The following TRAF3IP2 variants were observed in gnomAD, a reference collection of about 807,000 sequenced individuals.
TRAF3IP2 encodes E3 ubiquitin ligase TRAF3IP2.
TRAF3IP2 carries 35 observed loss-of-function variants against 57.9 expected under a neutral mutation model. The observed-to-expected ratio is 0.60, with a 90% confidence interval of 0.46 to 0.80. The LOEUF is 0.80. Ranked by LOEUF, TRAF3IP2 falls within the 30% of genes least tolerant of loss-of-function variation. The pLI is 0.00. For synonymous variants in TRAF3IP2, 251 were observed against 268.9 expected (o/e 0.93, Z 0.65); for missense variants, 556 against 706.4 (o/e 0.79, Z 2.41).
intron 5 of TRAF3IP2, among the ~76,000 whole-genome samples, chr6:111,568,710 T>A (rs1433935815): frequency 1.3e-5 from 2 of 152,078 alleles, no homozygotes; most frequent in Non-Finnish European, 2.9e-5. Context: ...TGAAAAGCCA[T>A]CCATGATCCA....
rs558961159 is a variant in TRAF3IP2 at position 111,595,551 on chromosome 6, C to T, written c.-8-3457G>A. ...AAGAGGTACCAAAGGGTATGCATGC[C>T]GGGCGCCGTGACTCACGCCTGTAAT... On this transcript the variant is annotated intron_variant, in intron 1 of 8. Transcript: ENST00000368761. Among the ~76,000 whole-genome samples the T allele has an allele frequency of 5.3e-5, 8 of 152,238 alleles. No individual in the cohort carries two copies. The East Asian group carries it at 5.8e-4, about 11-fold the overall frequency.
At chr6:111,563,710 G>GGTGTGAAA (rs1795530707) in intron 7 of TRAF3IP2, among the ~76,000 whole-genome samples, 1 of 152,186 alleles carries the variant, frequency 6.6e-6, no homozygotes, top group Non-Finnish European at 1.5e-5. Flanking sequence ...AATGTCTGGA[G>GGTGTGAAA]GTGTGAAAGT....
rs75432622 is a variant in TRAF3IP2 at position 111,555,501 on chromosome 6, G to A, written c.*3904C>T. On this transcript the variant is annotated 3_prime_UTR_variant, in exon 9 of 9. Coordinates refer to ENST00000368761, the MANE Select transcript of TRAF3IP2 (RefSeq NM_147686.4). ...AATACTTTGATTGTAGCCATGTACT[G>A]AGACCTCTTTGAACAATCTAGAAGT... Among the ~76,000 whole-genome samples the A allele has an allele frequency of 0.018, 2,787 of 152,286 alleles. 53 individuals carry two copies. The highest frequency in any genetic ancestry group is 0.058 in the Admixed American group (890 of 15,302).
Position 111,591,579 on chromosome 6 carries a change from A to T in TRAF3IP2, c.508T>A (p.Ser170Thr), listed in dbSNP as rs559852757. 1.3e-4 allele frequency: 209 copies of T among 1,614,218 alleles called. 1 individual carries two copies. The East Asian group carries it at 3.1e-3, about 24-fold the overall frequency. The stretch of plus-strand genomic sequence containing the variant: ...ACCATCTCCTGGCTACCGCCCAAGG[A>T]GTCTGCTGAGGCATTAGGTAAACTT... Reference protein sequence around the residue: ...DQSLPNASADSLGGSQEMVQR... With the variant: ...DQSLPNASADTLGGSQEMVQR... Residue 170 changes from serine to threonine, a missense_variant, in exon 2 of 9, where the codon TCC becomes ACC. Physicochemically the swap from Ser to Thr is moderately conservative, Grantham distance 58 (BLOSUM62 1). Coordinates refer to ENST00000368761, the MANE Select transcript of TRAF3IP2 (RefSeq NM_147686.4). The surrounding 1 kb of genome is among the most constrained non-coding windows in gnomAD (Gnocchi z 4.9).
Position 111,558,482 on chromosome 6 carries a change from G to A in TRAF3IP2, c.*923C>T, listed in dbSNP as rs564659600. The A allele has an allele frequency of 1.3e-5, 2 of 152,268 alleles. No homozygotes were observed. The highest frequency in any genetic ancestry group is 2.9e-5 in the Non-Finnish European group (2 of 68,064). The allele number at this position is 152,268 out of a possible 1,614,324, so 9.4% of individuals were successfully genotyped here. ...GAGTCTCGCTCTGTCTCCCAAGCTA[G>A]AGTGCAGTGACATGATCTCGGCTCA... On this transcript the variant is annotated 3_prime_UTR_variant, in exon 9 of 9. Coordinates refer to ENST00000368761, the MANE Select transcript of TRAF3IP2 (RefSeq NM_147686.4).
chr6:111,592,199 C>T lies in TRAF3IP2; in HGVS notation c.-8-105G>A, dbSNP rs994448778. Reference sequence around the variant, plus strand: ...TCATTCAAGATGTGGTTTAAATTAACAGTGAGACACCAATGTGCTTGCAAA... The same window carrying T: ...TCATTCAAGATGTGGTTTAAATTAATAGTGAGACACCAATGTGCTTGCAAA... On this transcript the variant is annotated intron_variant, in intron 1 of 8. Coordinates refer to ENST00000368761, the MANE Select transcript of TRAF3IP2 (RefSeq NM_147686.4). 1.9e-5 allele frequency: 18 copies of T among 958,028 alleles called. No individual in the cohort carries two copies. In the African/African-American group the frequency reaches 2.5e-4, roughly 13 times the overall value. The allele number at this position is 958,028 out of a possible 1,614,324, so 59.3% of individuals were successfully genotyped here.
chr6:111,575,179 A>G (rs934566948), intron 4 of TRAF3IP2, among the ~76,000 whole-genome samples: 2 of 152,038 alleles, frequency 1.3e-5, no homozygotes, highest in African/African-American at 4.8e-5. Context: ...AGCCATGATC[A>G]CACCACCGCA....
chr6:111,561,579 A>G (rs1260113410), intron 8 of TRAF3IP2, among the ~76,000 whole-genome samples: 3 of 152,120 alleles, frequency 2.0e-5, no homozygotes, highest in Non-Finnish European at 4.4e-5. Flanking sequence ...CAGAGACAAA[A>G]GAACACAGCA....
chr6:111,559,458 A>G lies in TRAF3IP2; in HGVS notation c.1645T>C (p.Tyr549His). ...AGAGGCCCCCGTGGAGGAGCCACAT[A>G]CTCTTCCTCTCTCAGCAGCCGCAGC... is the stretch of plus-strand genomic sequence containing the variant. ...ILLRLLREEEYVAPPRGPLPT... is the reference protein window; with the variant it reads ...ILLRLLREEEHVAPPRGPLPT... The change falls in exon 9 of 9, where the codon TAT becomes CAT. Residue 549 changes from tyrosine (Y) to histidine (H), a missense_variant. This residue lies in a region of TRAF3IP2 where 128 missense variants were observed against 207.7 expected (regional missense o/e 0.62). Transcript: ENST00000368761. The G allele has an allele frequency of 1.2e-6, 2 of 1,613,758 alleles. No individual in the cohort carries two copies. Among genetic ancestry groups the G allele is most frequent in the African/African-American group, 2.7e-5 (2 of 74,904 alleles).
chr6:111,597,416 C>T (rs568264916), intron 1 of TRAF3IP2, among the ~76,000 whole-genome samples: 108 of 152,322 alleles, frequency 7.1e-4, no homozygotes, highest in African/African-American at 2.5e-3. Context: ...CTGCCACTAC[C>T]ACACAGGCCC....
At chr6:111,588,903 T>C (rs1350434725) in intron 2 of TRAF3IP2, among the ~76,000 whole-genome samples, 2 of 152,100 alleles carry the variant, frequency 1.3e-5, no homozygotes, top group Admixed American at 1.3e-4. Context: ...AATTTTAGAT[T>C]AAAAATATAT....
In TRAF3IP2 at chr6:111,580,283, C is replaced by T. The variant is rs1221925762; in HGVS notation, c.936G>A (p.Lys312=). The change falls in exon 3 of 9, where the codon AAG becomes AAA. Residue 312 remains lysine (K), a synonymous_variant. Transcript: ENST00000368761. ...AGGGGCTGGGATAATTCAGGATAAC[C>T]TTCTGCACAGGGTGCAGGCCTCTCA... ...ASVRGLHPVQ[K]VILNYPSPWD... 2.5e-6 allele frequency: 4 copies of T among 1,612,858 alleles called. No homozygotes were observed. Among genetic ancestry groups the T allele is most frequent in the African/African-American group, 1.3e-5 (1 of 74,904 alleles).
At chr6:111,599,271 C>G (rs947555854) in intron 1 of TRAF3IP2, among the ~76,000 whole-genome samples, 5 of 152,082 alleles carry the variant, frequency 3.3e-5, no homozygotes, top group Admixed American at 6.6e-5. Flanking sequence ...GGTTCTAGCT[C>G]TTGGATCTGA....
intron 1 of TRAF3IP2, chr6:111,597,791 C>G (rs1796737857): frequency 4.4e-6 from 2 of 454,398 alleles, no homozygotes; most frequent in Admixed American, 2.4e-5. Context: ...CTGGTTCTTG[C>G]TTGTTCTGAC....
At chr6:111,594,146 A>AAAAAAAAAT (rs1562435053) in intron 1 of TRAF3IP2, among the ~76,000 whole-genome samples, 2 of 151,238 alleles carry the variant, frequency 1.3e-5, no homozygotes, top group Non-Finnish European at 1.5e-5. Context: ...AAAAAAAAAA[A>AAAAAAAAAT]TGCTCACCAT....
chr6:111,586,292 A>G (rs1305017266), intron 2 of TRAF3IP2, among the ~76,000 whole-genome samples: 1 of 149,212 alleles, frequency 6.7e-6, no homozygotes, highest in Non-Finnish European at 1.5e-5. Flanking sequence ...ATTTTATTCT[A>G]TTCAGTCTCC....
At chr6:111,577,422 A>T (rs1161651585) in intron 3 of TRAF3IP2, among the ~76,000 whole-genome samples, 2 of 152,032 alleles carry the variant, frequency 1.3e-5, no homozygotes, top group African/African-American at 2.4e-5. Flanking sequence ...CTTTTTTTTG[A>T]GGCAGGGTCT....
intron 1 of TRAF3IP2, chr6:111,601,110 T>TAAA: frequency 1.5e-6 from 1 of 687,434 alleles, no homozygotes; most frequent in Non-Finnish European, 2.8e-6. Flanking sequence ...ACTGACTGGT[T>TAAA]CAGCTATTGG....
intron 2 of TRAF3IP2, among the ~76,000 whole-genome samples, chr6:111,590,030 C>G (rs1450133456): frequency 6.6e-6 from 1 of 152,128 alleles, no homozygotes; most frequent in Non-Finnish European, 1.5e-5. Flanking sequence ...ATCTGTAAAG[C>G]CCTTTTGTTA....
Sources: gnomAD v4.1 joint callset for allele counts (sites outside exome capture counted in the v4.1 genomes callset) on GRCh38, gnomAD v4.1.1 for gene constraint, gnomAD v4.1.1 regional missense constraint, Gnocchi (gnomAD v3.1) non-coding constraint, MANE v1.5 for transcripts, NCBI Gene and HGNC (gene_info 2026-07-23, HGNC 2026-07-21) for gene names.